Variants in TEX9 observed in about 807,000 individuals in gnomAD.
The protein encoded by TEX9 is testis-expressed protein 9.
In TEX9, 74 loss-of-function variants were observed where a neutral mutation model predicts 59.6. The ratio of observed to expected loss-of-function variants is 1.24; its 90% CI spans 1.03 to 1.51. TEX9 has a LOEUF of 1.51. Ranked by LOEUF, TEX9 falls within the 40% of genes most tolerant of loss-of-function variation. The pLI is 0.00. For missense variants in TEX9, 522 were observed against 447.8 expected, an observed-to-expected ratio of 1.17 and a Z score of -1.49; for synonymous variants, 186 against 152.2, an observed-to-expected ratio of 1.22 and a Z score of -1.64.
chr15:56,425,037 T>C (rs2050174683), intron 10 of TEX9, among the ~76,000 whole-genome samples: 1 of 152,194 alleles, frequency 6.6e-6, no homozygotes, highest in African/African-American at 2.4e-5. Flanking sequence ...CTAGGTTTTT[T>C]TCTTTCAGCC....
intron 12 of TEX9, among the ~76,000 whole-genome samples, chr15:56,442,691 G>C (rs1229338172): frequency 6.6e-6 from 1 of 152,126 alleles, no homozygotes; most frequent in Non-Finnish European, 1.5e-5. Context: ...TAAATATTGA[G>C]TACACGTGGA....
At chr15:56,321,892 CAT>C (rs1226294987) in intron 1 of TEX9, among the ~76,000 whole-genome samples, 3 of 151,848 alleles carry the variant, frequency 2.0e-5, no homozygotes, top group African/African-American at 7.3e-5. Flanking sequence ...ATGGAGAAAA[CAT>C]AAGTAGTTGC....
chr15:56,326,299 A>T (rs1321744852), intron 1 of TEX9, among the ~76,000 whole-genome samples: 2 of 152,106 alleles, frequency 1.3e-5, no homozygotes, highest in East Asian at 3.8e-4. Flanking sequence ...TGCGTGTATC[A>T]GCCTTTTGAT....
chr15:56,290,151 G>A (rs1341544668), intron 1 of TEX9, among the ~76,000 whole-genome samples: 1 of 152,114 alleles, frequency 6.6e-6, no homozygotes, highest in Non-Finnish European at 1.5e-5. Context: ...AACTGGGTTC[G>A]GGAGAGGTGT....
intron 1 of TEX9, among the ~76,000 whole-genome samples, chr15:56,306,783 C>A (rs1178237791): frequency 1.3e-5 from 2 of 152,118 alleles, no homozygotes. Flanking sequence ...AGGATAAATG[C>A]TTGAGGTGAT....
chr15:56,456,641 T>A, the TEX9 span: 1 of 989,110 alleles, frequency 1.0e-6, no homozygotes, highest in Non-Finnish European at 1.5e-6. Flanking sequence ...TGATGTTTTA[T>A]TTTAAAATAC....
intron 1 of TEX9, among the ~76,000 whole-genome samples, chr15:56,321,744 T>G (rs985779115): frequency 6.6e-6 from 1 of 152,176 alleles, no homozygotes; most frequent in Non-Finnish European, 1.5e-5. Flanking sequence ...ATGCTTAAGT[T>G]AATACTCTTT....
chr15:56,337,171 C>G (rs1211047669), intron 1 of TEX9, among the ~76,000 whole-genome samples: 1 of 152,162 alleles, frequency 6.6e-6, no homozygotes, highest in Non-Finnish European at 1.5e-5. Flanking sequence ...ACACTTCATC[C>G]TGAGGCTGTA....
At chr15:56,291,908 T>C (rs1489787125) in intron 1 of TEX9, among the ~76,000 whole-genome samples, 1 of 152,212 alleles carries the variant, frequency 6.6e-6, no homozygotes, top group African/African-American at 2.4e-5. Context: ...GATGAGGCAA[T>C]TGGCACATGA....
chr15:56,339,153 T>TGG (rs1357013770), intron 1 of TEX9, among the ~76,000 whole-genome samples: 1 of 151,222 alleles, frequency 6.6e-6, no homozygotes, highest in East Asian at 1.9e-4. Flanking sequence ...GGGGCTGAGG[T>TGG]GGGTGGATCA....
At chr15:56,389,912 A>C (rs1203127581) in intron 6 of TEX9, among the ~76,000 whole-genome samples, 1 of 151,982 alleles carries the variant, frequency 6.6e-6, no homozygotes, top group Non-Finnish European at 1.5e-5. Context: ...AAAGGGACCC[A>C]AGATGCTCCC....
chr15:56,319,232 T>A (rs1185395609), intron 1 of TEX9, among the ~76,000 whole-genome samples: 1 of 151,920 alleles, frequency 6.6e-6, no homozygotes, highest in Non-Finnish European at 1.5e-5. Flanking sequence ...TCAAAACGTC[T>A]TGACCATTTG....
At chr15:56,437,907 A>G (rs2140341377) in intron 12 of TEX9, among the ~76,000 whole-genome samples, 1 of 152,304 alleles carries the variant, frequency 6.6e-6, no homozygotes, top group African/African-American at 2.4e-5. Context: ...CCAACTTACA[A>G]GGGATGTGAA....
chr15:56,261,210 G>A (rs2044257401), intron 1 of TEX9, among the ~76,000 whole-genome samples: 1 of 151,672 alleles, frequency 6.6e-6, no homozygotes, highest in Non-Finnish European at 1.5e-5. Context: ...TTTTATGTCA[G>A]CTATTTCATC....
chr15:56,425,482 G>A (rs1032516377), intron 10 of TEX9, among the ~76,000 whole-genome samples: 1 of 152,014 alleles, frequency 6.6e-6, no homozygotes, highest in Non-Finnish European at 1.5e-5. Context: ...TCTTATACCT[G>A]TACAGCTCTG....
At chr15:56,271,015 G>C (rs1371846418) in intron 1 of TEX9, among the ~76,000 whole-genome samples, 1 of 152,168 alleles carries the variant, frequency 6.6e-6, no homozygotes, top group Non-Finnish European at 1.5e-5. Context: ...CTGTTAGTCT[G>C]ATGGGCTTCC....
intron 2 of TEX9, among the ~76,000 whole-genome samples, chr15:56,368,285 G>A (rs2047035957): frequency 6.6e-6 from 1 of 151,988 alleles, no homozygotes; most frequent in Admixed American, 6.6e-5. Context: ...TACAAAGGCA[G>A]GTTTCTTGTT....
At chr15:56,412,545 A>T (rs1159535887) in intron 10 of TEX9, 109 bp downstream of exon 10, 26 of 1,218,426 alleles carry the variant, frequency 2.1e-5, no homozygotes, top group Non-Finnish European at 4.5e-6. Context: ...CATGCTGAAC[A>T]TTTCTCTTTT....
At chr15:56,289,496 G>A (rs1426068) in intron 1 of TEX9, among the ~76,000 whole-genome samples, 149,085 of 152,220 alleles carry the variant, frequency 0.98, 73,091 homozygotes, top group Middle Eastern at 1. Context: ...CTGTCAGCTG[G>A]GGGTTGTGTT....
Sources: allele counts gnomAD v4.1 joint callset (sites outside exome capture counted in the v4.1 genomes callset), GRCh38; gene constraint gnomAD v4.1.1; transcripts MANE v1.5; gene names NCBI Gene and HGNC (gene_info 2026-07-23, HGNC 2026-07-21).